Variants in NUP210L observed in about 807,000 individuals in gnomAD.
NUP210L encodes the protein nucleoporin 210 like, also known as nuclear pore membrane glycoprotein 210-like.
A neutral mutation model predicts 208.5 loss-of-function variants in NUP210L; 74 were observed. The observed-to-expected ratio is 0.35, with a 90% CI of 0.29 to 0.43. The LOEUF (loss-of-function observed/expected upper bound fraction) is 0.43, where lower values mean the gene tolerates loss of function less well. NUP210L is among the 20% of genes least tolerant of loss of function. The pLI is 1.00. For synonymous variants in NUP210L, 780 were observed against 816.9 expected (o/e 0.95, Z 0.77); for missense variants, 1,843 against 2,289.4 (o/e 0.81, Z 3.98).
intron 6 of NUP210L, among the ~76,000 whole-genome samples, chr1:154,136,175 G>A (rs1658538050): frequency 6.6e-6 from 1 of 152,224 alleles, no homozygotes; most frequent in Non-Finnish European, 1.5e-5. Context: ...GCTGGAGGCT[G>A]GGTGTGGTGG....
At chr1:154,058,154 G>T in exon 22 of NUP210L, 1 of 1,614,090 alleles carries the variant, frequency 6.2e-7, no homozygotes, top group East Asian at 2.2e-5. Context: ...ATTTATTTTG[G>T]AATGGGCGTT....
chr1:154,084,789 T>TAA (rs35270818), intron 16 of NUP210L, among the ~76,000 whole-genome samples: 22 of 137,962 alleles, frequency 1.6e-4, no homozygotes, highest in South Asian at 2.3e-4. Context: ...CATATTTCTT[T>TAA]AAAAAAAAAA....
At chr1:154,137,939 A>G (rs1297835262) in intron 6 of NUP210L, among the ~76,000 whole-genome samples, 167 bp downstream of exon 6, 1 of 152,178 alleles carries the variant, frequency 6.6e-6, no homozygotes, top group Non-Finnish European at 1.5e-5. Flanking sequence ...AATATGTTCA[A>G]GATATGGGGC....
exon 5 of NUP210L, chr1:154,139,875 T>C: frequency 6.2e-7 from 1 of 1,612,492 alleles, no homozygotes; most frequent in Non-Finnish European, 8.5e-7. Context: ...TAAAATCACA[T>C]CTCCTTGTTT....
chr1:154,013,006 C>CAAAAAAAAA lies in NUP210L; in HGVS notation c.4654-645_4654-637dup, dbSNP rs149011212. Among the ~76,000 whole-genome samples the CAAAAAAAAA allele has an allele frequency of 4.7e-4, 34 of 72,358 alleles. 1 individual carries two copies. The highest frequency in any genetic ancestry group is 6.7e-4 in the African/African-American group (12 of 17,784). The allele number at this position is 72,358 out of a possible 152,430, so 47.5% of individuals were successfully genotyped here. On this transcript the variant is annotated intron_variant, in intron 33 of 39. Coordinates refer to ENST00000368559, the Ensembl canonical transcript of NUP210L. Reference sequence around the variant, plus strand: ...GGGCAACAAGAGTGAAACTCTGAATCAAAAAAAAAAAAAAAAAACAAAGAC... The same window carrying CAAAAAAAAA: ...GGGCAACAAGAGTGAAACTCTGAATCAAAAAAAAAAAAAAAAAAAAAAAAAAACAAAGAC...
chr1:154,049,220 T>TG (rs1311439748), intron 25 of NUP210L, among the ~76,000 whole-genome samples: 1 of 152,148 alleles, frequency 6.6e-6, no homozygotes, highest in African/African-American at 2.4e-5. Context: ...AAGGGCCCAA[T>TG]GGACAACCTG....
intron 7 of NUP210L, among the ~76,000 whole-genome samples, chr1:154,131,445 A>G (rs892599125): frequency 2.0e-5 from 3 of 151,652 alleles, no homozygotes; most frequent in African/African-American, 7.3e-5. Context: ...TCCAAATCTC[A>G]TTTTCTGTTG....
intron 27 of NUP210L, among the ~76,000 whole-genome samples, chr1:154,043,909 G>T (rs1448468915): frequency 6.6e-6 from 1 of 151,982 alleles, no homozygotes; most frequent in Non-Finnish European, 1.5e-5. Flanking sequence ...CCTTATGAAG[G>T]CCTTTCTATT....
chr1:154,022,890 T>G (rs910941644), intron 31 of NUP210L, among the ~76,000 whole-genome samples: 3 of 151,710 alleles, frequency 2.0e-5, no homozygotes, highest in Non-Finnish European at 4.4e-5. Flanking sequence ...TTGTCCAGGC[T>G]GGTCTCGAAC....
intron 29 of NUP210L, among the ~76,000 whole-genome samples, chr1:154,026,594 T>G (rs946004083): frequency 6.6e-6 from 1 of 152,046 alleles, no homozygotes; most frequent in Non-Finnish European, 1.5e-5. Flanking sequence ...GTGATCCACC[T>G]GCATTGGCCT....
intron 10 of NUP210L, among the ~76,000 whole-genome samples, chr1:154,123,306 C>T (rs1320088304): frequency 6.6e-6 from 1 of 151,972 alleles, no homozygotes; most frequent in Non-Finnish European, 1.5e-5. Flanking sequence ...CCACCACGCC[C>T]AGCTAATTTT....
chr1:154,031,174 C>T (rs369616739), intron 27 of NUP210L, among the ~76,000 whole-genome samples: 9 of 152,128 alleles, frequency 5.9e-5, no homozygotes, highest in East Asian at 3.9e-4. Context: ...CTGCAACCTC[C>T]GCCTCCTGGG....
chr1:154,131,514 T>C (rs1658251091), intron 7 of NUP210L, among the ~76,000 whole-genome samples: 1 of 152,132 alleles, frequency 6.6e-6, no homozygotes, highest in Admixed American at 6.6e-5. Context: ...TCTGCCATCT[T>C]TCTCTCTTTA....
At chr1:154,091,192 T>A (rs1655893480) in intron 15 of NUP210L, among the ~76,000 whole-genome samples, 1 of 151,052 alleles carries the variant, frequency 6.6e-6, no homozygotes, top group Non-Finnish European at 1.5e-5. Context: ...GCCTCATGGG[T>A]TCCAGAGATT....
chr1:154,130,150 C>G (rs1445831687), intron 7 of NUP210L, among the ~76,000 whole-genome samples: 2 of 152,052 alleles, frequency 1.3e-5, no homozygotes, highest in Non-Finnish European at 2.9e-5. Flanking sequence ...ACCAGCCTGA[C>G]CAACATGGTG....
rs891791617 is a variant in NUP210L at position 154,102,876 on chromosome 1, A to C, written c.1819+1136T>G. ...AGACATATGGTATATATATAAGGGG[A>C]AGAAAGAAGAAAAGAGCTTGAGGCT... On this transcript the variant is annotated intron_variant, in intron 13 of 39. Coordinates refer to ENST00000368559, the Ensembl canonical transcript of NUP210L. Among the ~76,000 whole-genome samples, 2 of 152,112 alleles carry C rather than the reference A, an allele frequency of 1.3e-5. 1 individual carries two copies. Among genetic ancestry groups the C allele is most frequent in the Admixed American group, 1.3e-4 (2 of 15,268 alleles).
At chr1:154,080,389 A>G (rs2148029000) in intron 16 of NUP210L, among the ~76,000 whole-genome samples, 2 of 150,954 alleles carry the variant, frequency 1.3e-5, no homozygotes, top group South Asian at 4.2e-4. Flanking sequence ...AGGAGAAAGA[A>G]ATGACTGGGC....
intron 1 of NUP210L, among the ~76,000 whole-genome samples, chr1:154,153,572 A>C (rs989045277): frequency 7.2e-5 from 11 of 152,146 alleles, no homozygotes; most frequent in Non-Finnish European, 1.2e-4. Flanking sequence ...GGCCTCCCAA[A>C]GTGCTGGGAT....
intron 35 of NUP210L, among the ~76,000 whole-genome samples, chr1:154,005,728 CT>C (rs34116245): frequency 1.1e-3 from 140 of 125,716 alleles, no homozygotes; most frequent in Admixed American, 1.1e-3. Flanking sequence ...ATTTTTTTTT[CT>C]TTTTTTTTTT....
Sources: allele counts gnomAD v4.1 joint callset (sites outside exome capture counted in the v4.1 genomes callset), GRCh38; gene constraint gnomAD v4.1.1; transcripts MANE v1.5; gene names NCBI Gene and HGNC (gene_info 2026-07-23, HGNC 2026-07-21).